The following RP1 variants were observed in gnomAD, a reference collection of about 807,000 sequenced individuals.
RP1 encodes the protein RP1 axonemal microtubule associated.
A neutral mutation model predicts 14.8 loss-of-function variants in RP1; 16 were observed. The observed-to-expected ratio is 1.08, with a 90% confidence interval of 0.73 to 1.65. The LOEUF is 1.65. RP1 is among the 40% of genes most tolerant of loss of function. The pLI, the probability that RP1 is intolerant of heterozygous loss-of-function variation, is 0.00. For missense variants in RP1, 2,631 were observed against 2,535.0 expected (o/e 1.04, Z -0.81); for synonymous variants, 876 against 883.6 (o/e 0.99, Z 0.15).
intron 12 of RP1, among the ~76,000 whole-genome samples, chr8:54,699,047 G>A (rs2129342640): frequency 6.6e-6 from 1 of 151,586 alleles, no homozygotes; most frequent in South Asian, 2.1e-4. Context: ...TAAAATAAAA[G>A]AAAGTTTAAC....
At chr8:54,669,423 TTGG>T (rs1367741266) in intron 7 of RP1, among the ~76,000 whole-genome samples, 2 of 152,300 alleles carry the variant, frequency 1.3e-5, no homozygotes, top group South Asian at 2.1e-4. Context: ...TTTTACAATG[TTGG>T]TGGGAGTGTA....
intron 23 of RP1, among the ~76,000 whole-genome samples, chr8:54,780,504 G>A (rs1810160263): frequency 2.0e-5 from 3 of 152,094 alleles, no homozygotes; most frequent in South Asian, 2.1e-4. Context: ...CCAATTGTTG[G>A]CCTACATTAC....
chr8:54,638,360 C>T (rs1324255699), intron 3 of RP1, among the ~76,000 whole-genome samples: 1 of 151,226 alleles, frequency 6.6e-6, no homozygotes, highest in Non-Finnish European at 1.5e-5. Flanking sequence ...ATCACTTGAA[C>T]CCAGGAGGTG....
chr8:54,843,652 C>A (rs773647145), intron 25 of RP1, among the ~76,000 whole-genome samples: 13 of 152,266 alleles, frequency 8.5e-5, no homozygotes, highest in Middle Eastern at 3.4e-3. Flanking sequence ...TAAAACGGTT[C>A]ATTAATTAAA....
At chr8:54,656,652 T>G (rs1380002316) in intron 6 of RP1, among the ~76,000 whole-genome samples, 1 of 151,316 alleles carries the variant, frequency 6.6e-6, no homozygotes, top group Non-Finnish European at 1.5e-5. Flanking sequence ...AAAGCAGAGA[T>G]GTGTTCAAGC....
At chr8:54,561,656 A>G (rs936621303) in intron 1 of RP1, 3 of 152,226 alleles carry the variant, frequency 2.0e-5, no homozygotes, top group African/African-American at 7.2e-5. Context: ...TCAGATGATT[A>G]ACTGGCAGAA....
At chr8:54,799,195 T>C (rs1376586563) in intron 24 of RP1, among the ~76,000 whole-genome samples, 3 of 152,190 alleles carry the variant, frequency 2.0e-5, no homozygotes, top group East Asian at 3.9e-4. Flanking sequence ...GAAAGCTATA[T>C]GTGATTGAAC....
chr8:54,647,379 A>G (rs565065505), intron 3 of RP1, among the ~76,000 whole-genome samples: 1 of 152,214 alleles, frequency 6.6e-6, no homozygotes, highest in East Asian at 1.9e-4. Context: ...ATACCACTGC[A>G]CTCCAGCTTG....
chr8:54,845,005 C>A (rs1289785264), intron 25 of RP1, among the ~76,000 whole-genome samples: 1 of 152,180 alleles, frequency 6.6e-6, no homozygotes, highest in Non-Finnish European at 1.5e-5. Flanking sequence ...AGTCACTCCA[C>A]AGGCTGGTGG....
intron 7 of RP1, among the ~76,000 whole-genome samples, chr8:54,668,896 T>C (rs921811529): frequency 5.9e-5 from 9 of 152,274 alleles, no homozygotes; most frequent in Middle Eastern, 3.4e-3. Context: ...GTTAAAGACT[T>C]AAATGTTAGA....
chr8:54,856,813 C>T (rs1332613968), intron 26 of RP1, among the ~76,000 whole-genome samples: 2 of 152,128 alleles, frequency 1.3e-5, no homozygotes, highest in African/African-American at 2.4e-5. Flanking sequence ...TTTCACTAGA[C>T]TCTGTGACTT....
intron 15 of RP1, among the ~76,000 whole-genome samples, chr8:54,710,796 G>C (rs1808277938): frequency 6.6e-6 from 1 of 152,158 alleles, no homozygotes; most frequent in Non-Finnish European, 1.5e-5. Context: ...CCTCTCTACC[G>C]ACTGAGTCTG....
At position 54,629,502 on chromosome 8, in the gene RP1, G is replaced by T. The variant is rs1563333264; in HGVS notation, c.5620G>T (p.Ala1874Ser). 3.1e-6 allele frequency: 5 copies of T among 1,614,030 alleles called. No homozygotes were observed. In the Admixed American group the frequency reaches 5.0e-5, roughly 16 times the overall value. ...CTSVTHSFISAGNKVYPVSDD... is the reference protein window; with the variant it reads ...CTSVTHSFISSGNKVYPVSDD... ...ATCTGTCACTCATTCCTTTATTTCTGCTGGTAACAAAGTCTACCCTGTCTC... is the reference window on the plus strand; with the variant it reads ...ATCTGTCACTCATTCCTTTATTTCTTCTGGTAACAAAGTCTACCCTGTCTC... The change falls in exon 4 of 4, where the codon GCT becomes TCT. Residue 1874 changes from alanine (A) to serine (S), a missense_variant. Physicochemically the swap from Ala to Ser is moderately conservative, Grantham distance 99. Transcript: ENST00000220676.
At chr8:54,816,760 C>T (rs1446296677) in intron 24 of RP1, among the ~76,000 whole-genome samples, 1 of 152,154 alleles carries the variant, frequency 6.6e-6, no homozygotes, top group Non-Finnish European at 1.5e-5. Context: ...GCTTTAAATC[C>T]TCACATGGCT....
At chr8:54,669,305 T>G (rs994818350) in intron 7 of RP1, among the ~76,000 whole-genome samples, 3 of 152,034 alleles carry the variant, frequency 2.0e-5, no homozygotes, top group Admixed American at 2.0e-4. Context: ...ATCAGAGAAA[T>G]GCAAATTAAA....
chr8:54,628,495 T>C lies in RP1; in HGVS notation c.4613T>C (p.Leu1538Ser). 6.2e-7 allele frequency: 1 copy of C among 1,613,778 alleles called. No homozygotes were observed. Among genetic ancestry groups the C allele is most frequent in the Non-Finnish European group, 8.5e-7 (1 of 1,179,882 alleles). Reference sequence around the variant, plus strand: ...AAGAGGCTGGCAACACCACCATCTTTAGATTTTTGCTATGATTCTAAGCAA... The same window carrying C: ...AAGAGGCTGGCAACACCACCATCTTCAGATTTTTGCTATGATTCTAAGCAA... ...ISKRLATPPS[L>S]DFCYDSKQNS... Residue 1538 changes from leucine to serine, a missense_variant, in exon 4 of 4, where the codon TTA (leucine) becomes TCA (serine). Transcript: ENST00000220676.
chr8:54,696,877 C>T (rs1807878786), intron 12 of RP1: 1 of 775,670 alleles, frequency 1.3e-6, no homozygotes, highest in East Asian at 2.4e-5. Context: ...AAGCCAAGGT[C>T]AAGAATAAGA....
chr8:54,852,776 A>G (rs1812085873), intron 26 of RP1: 2 of 1,216,790 alleles, frequency 1.6e-6, no homozygotes, highest in Non-Finnish European at 1.0e-6. Context: ...TCGTTCCTTT[A>G]ATTTATTTAA....
At chr8:54,738,804 T>A (rs1808998847) in intron 18 of RP1, 1 of 522,006 alleles carries the variant, frequency 1.9e-6, no homozygotes, top group Non-Finnish European at 3.4e-6. Context: ...GGCATTTCAT[T>A]TCTAGACTCT....
Sources: allele counts gnomAD v4.1 joint callset (sites outside exome capture counted in the v4.1 genomes callset), GRCh38; gene constraint gnomAD v4.1.1; transcripts MANE v1.5; gene names NCBI Gene and HGNC (gene_info 2026-07-23, HGNC 2026-07-21).